CDH18: variants seen among roughly 807,000 people sequenced by gnomAD.
CDH18 encodes cadherin-18.
A neutral mutation model predicts 67.9 loss-of-function variants in CDH18; 31 were observed. The observed-to-expected ratio is 0.46, with a 90% CI of 0.34 to 0.62. The LOEUF (loss-of-function observed/expected upper bound fraction) is 0.62, where lower values mean the gene tolerates loss of function less well. CDH18 is among the 20% of genes least tolerant of loss of function. CDH18 has a pLI of 0.01. For missense variants in CDH18, 890 were observed against 975.5 expected (o/e 0.91, Z 1.17); for synonymous variants, 362 against 347.2 (o/e 1.04, Z -0.48).
At chr5:20,511,711 T>C (rs556940117) in intron 1 of CDH18, among the ~76,000 whole-genome samples, 2 of 152,304 alleles carry the variant, frequency 1.3e-5, no homozygotes, top group Admixed American at 1.3e-4. Flanking sequence ...AAATACAACA[T>C]TGAATAGAAG....
chr5:20,072,201 A>C (rs1743537995), intron 2 of CDH18, among the ~76,000 whole-genome samples: 1 of 152,094 alleles, frequency 6.6e-6, no homozygotes, highest in East Asian at 1.9e-4. Context: ...GTAACTAAAA[A>C]TTGAGTTGAG....
chr5:19,903,553 ATATAT>A (rs1790174283), intron 2 of CDH18, among the ~76,000 whole-genome samples: 1 of 144,098 alleles, frequency 6.9e-6, no homozygotes, highest in African/African-American at 2.5e-5. Flanking sequence ...ATATATATAT[ATATAT>A]ATATATATTT....
At chr5:19,492,005 T>TG in intron 11 of CDH18, among the ~76,000 whole-genome samples, 1 of 151,632 alleles carries the variant, frequency 6.6e-6, no homozygotes. Context: ...GGAAAACACA[T>TG]ACAAAAAAAG....
chr5:19,862,723 T>C (rs1407415251), intron 2 of CDH18, among the ~76,000 whole-genome samples: 1 of 152,248 alleles, frequency 6.6e-6, no homozygotes, highest in Non-Finnish European at 1.5e-5. Context: ...AGCCTATCTA[T>C]ATTCATGTTT....
At chr5:20,519,682 G>A (rs62355216) in intron 1 of CDH18, among the ~76,000 whole-genome samples, 5 of 151,358 alleles carry the variant, frequency 3.3e-5, no homozygotes, top group Non-Finnish European at 5.9e-5. Flanking sequence ...TTTGTCCTTT[G>A]TGAGATTGTT....
intron 5 of CDH18, among the ~76,000 whole-genome samples, chr5:19,712,390 T>C (rs1159903825): frequency 6.6e-6 from 1 of 151,996 alleles, no homozygotes; most frequent in Non-Finnish European, 1.5e-5. Context: ...TCTATGGTAT[T>C]GAAGCCCTTA....
chr5:19,752,202 A>T (rs1770936996), intron 3 of CDH18, among the ~76,000 whole-genome samples: 1 of 152,086 alleles, frequency 6.6e-6, no homozygotes, highest in Non-Finnish European at 1.5e-5. Flanking sequence ...GAGGATGCAA[A>T]TCCTGTGTGT....
intron 1 of CDH18, among the ~76,000 whole-genome samples, chr5:20,524,853 G>A (rs1365329305): frequency 2.6e-5 from 4 of 152,084 alleles, no homozygotes; most frequent in Non-Finnish European, 5.9e-5. Context: ...CTCAGTAAAG[G>A]CCTGCTGTTC....
intron 1 of CDH18, among the ~76,000 whole-genome samples, chr5:20,502,294 C>T (rs1329740879): frequency 1.3e-5 from 2 of 152,108 alleles, no homozygotes; most frequent in South Asian, 2.1e-4. Context: ...ATGACACACT[C>T]GACCTGTGAA....
At chr5:19,769,961 CAATA>C (rs1773549110) in intron 3 of CDH18, among the ~76,000 whole-genome samples, 3 of 150,872 alleles carry the variant, frequency 2.0e-5, no homozygotes, top group Admixed American at 1.3e-4. Context: ...GATATGTAAA[CAATA>C]AATAAAGATA....
At chr5:19,633,768 C>T (rs2150190656) in intron 5 of CDH18, among the ~76,000 whole-genome samples, 1 of 152,022 alleles carries the variant, frequency 6.6e-6, no homozygotes, top group Admixed American at 6.5e-5. Context: ...AAGCTAGGAC[C>T]ACAGGTGCGC....
intron 1 of CDH18, among the ~76,000 whole-genome samples, chr5:20,256,816 G>C (rs1744267827): frequency 6.6e-6 from 1 of 151,954 alleles, no homozygotes; most frequent in East Asian, 1.9e-4. Context: ...TTTAAGGACT[G>C]AGTCCTTTAA....
intron 6 of CDH18, among the ~76,000 whole-genome samples, chr5:19,610,414 A>C (rs1413275193): frequency 6.6e-6 from 1 of 152,080 alleles, no homozygotes; most frequent in African/African-American, 2.4e-5. Context: ...CCTTATATCC[A>C]TCACAATTAA....
intron 1 of CDH18, among the ~76,000 whole-genome samples, chr5:20,382,715 G>A (rs746251321): frequency 6.6e-6 from 1 of 152,238 alleles, no homozygotes; most frequent in South Asian, 2.1e-4. Flanking sequence ...ATATTACAAA[G>A]AGGAAGCAAT....
chr5:19,647,902 A>G (rs185395213), intron 5 of CDH18, among the ~76,000 whole-genome samples: 7 of 152,328 alleles, frequency 4.6e-5, no homozygotes, highest in Admixed American at 3.3e-4. Flanking sequence ...GAAACAATTC[A>G]TATTAGATAG....
intron 2 of CDH18, among the ~76,000 whole-genome samples, chr5:20,151,102 A>G (rs1449536673): frequency 6.6e-6 from 1 of 152,050 alleles, no homozygotes; most frequent in Non-Finnish European, 1.5e-5. Context: ...TTGCACCCAG[A>G]TAGTGAGCAT....
At chr5:20,184,081 T>G (rs1046774837) in intron 2 of CDH18, among the ~76,000 whole-genome samples, 2 of 152,012 alleles carry the variant, frequency 1.3e-5, no homozygotes, top group African/African-American at 4.8e-5. Flanking sequence ...ACTGAAATAG[T>G]GTAATGCTAT....
intron 2 of CDH18, among the ~76,000 whole-genome samples, chr5:20,116,659 T>C (rs762481080): frequency 7.9e-4 from 120 of 152,216 alleles, no homozygotes; most frequent in Non-Finnish European, 1.6e-3. Flanking sequence ...TAATATTCCA[T>C]GAAATTAATA....
chr5:20,007,829 T>A (rs1270089943), intron 2 of CDH18, among the ~76,000 whole-genome samples: 1 of 151,942 alleles, frequency 6.6e-6, no homozygotes, highest in Non-Finnish European at 1.5e-5. Flanking sequence ...ATATGAAGAT[T>A]ATATAAAATT....
Sources: allele counts gnomAD v4.1 joint callset (sites outside exome capture counted in the v4.1 genomes callset), GRCh38; gene constraint gnomAD v4.1.1; transcripts MANE v1.5; gene names NCBI Gene and HGNC (gene_info 2026-07-23, HGNC 2026-07-21).